Variants in SIPA1L3 observed in about 807,000 individuals in gnomAD.
The protein encoded by SIPA1L3 is signal-induced proliferation-associated 1-like protein 3.
Under a neutral mutation model 150.1 loss-of-function variants are expected in SIPA1L3, and 59 were observed. The ratio of observed to expected loss-of-function variants is 0.39; its 90% CI spans 0.32 to 0.49. The LOEUF (loss-of-function observed/expected upper bound fraction) is 0.49, where lower values mean the gene tolerates loss of function less well. Among genes scored for constraint, SIPA1L3 ranks in the 20% least tolerant of loss-of-function variants. The pLI is 0.86. For synonymous variants in SIPA1L3, 1,070 were observed against 1,077.6 expected (o/e 0.99, Z 0.14); for missense variants, 2,211 against 2,489.5 (o/e 0.89, Z 2.38).
intron 2 of SIPA1L3, among the ~76,000 whole-genome samples, chr19:38,056,708 G>A (rs1192130464): frequency 6.6e-6 from 1 of 152,184 alleles, no homozygotes; most frequent in African/African-American, 2.4e-5. Context: ...TCAAATGAAT[G>A]AAAACTTGTT....
At chr19:38,040,558 C>G (rs902756471) in intron 2 of SIPA1L3, among the ~76,000 whole-genome samples, 8 of 152,024 alleles carry the variant, frequency 5.3e-5, no homozygotes, top group African/African-American at 1.5e-4. Context: ...CATTCCAGTG[C>G]GAATAATAAA....
intron 13 of SIPA1L3, 26 bp from the exon 14 acceptor site, chr19:38,162,227 C>T: frequency 6.3e-7 from 1 of 1,580,874 alleles, no homozygotes; most frequent in Non-Finnish European, 8.7e-7. Flanking sequence ...CTCCTAACCA[C>T]TGGTGTGTCT....
intron 2 of SIPA1L3, among the ~76,000 whole-genome samples, chr19:38,040,687 T>G (rs1191548724): frequency 3.9e-5 from 6 of 152,260 alleles, no homozygotes; most frequent in African/African-American, 1.2e-4. Flanking sequence ...AAATTCTAGT[T>G]GAAATGCCCC....
intron 8 of SIPA1L3, among the ~76,000 whole-genome samples, chr19:38,115,018 T>TCC (rs1453074974): frequency 1.3e-5 from 2 of 152,170 alleles, no homozygotes; most frequent in Non-Finnish European, 2.9e-5. Context: ...CCCTCAAGGA[T>TCC]TTAACCAAAG....
In SIPA1L3 at chr19:38,206,255, G is replaced by T; in HGVS notation, c.*15G>T. The T allele has an allele frequency of 3.3e-6, 5 of 1,531,846 alleles. No homozygotes were observed. Among genetic ancestry groups the T allele is most frequent in the Non-Finnish European group, 4.4e-6 (5 of 1,134,700 alleles). 94.9% of individuals were successfully genotyped at this position (1,531,846 alleles called of 1,614,324 possible). On this transcript the variant is annotated 3_prime_UTR_variant, in exon 22 of 22. Coordinates refer to ENST00000222345, the MANE Select transcript of SIPA1L3 (RefSeq NM_015073.3). ...AGGAGCTCTGAGGTGGGAGGCCGCC[G>T]CCCGCCTTCGCTCCTTCCCCTCAGG...
chr19:37,933,904 C>T (rs73029194), intron 1 of SIPA1L3, among the ~76,000 whole-genome samples: 2,902 of 152,238 alleles, frequency 0.019, 42 homozygotes, highest in Non-Finnish European at 0.029. Flanking sequence ...GAAGATACCA[C>T]CCATATACAC....
At chr19:38,089,208 T>C (rs1275817037) in intron 4 of SIPA1L3, among the ~76,000 whole-genome samples, 3 of 151,396 alleles carry the variant, frequency 2.0e-5, no homozygotes, top group Admixed American at 1.3e-4. Flanking sequence ...ATCCCAGCTA[T>C]TGGGGAGACT....
intron 1 of SIPA1L3, among the ~76,000 whole-genome samples, chr19:37,975,876 G>A (rs141633641): frequency 0.033 from 5,044 of 152,088 alleles, 122 homozygotes; most frequent in South Asian, 0.11. Flanking sequence ...TGGCCGAGGC[G>A]GGTAGATCAC....
At chr19:37,932,142 G>A (rs867455464) in intron 1 of SIPA1L3, among the ~76,000 whole-genome samples, 1 of 152,230 alleles carries the variant, frequency 6.6e-6, no homozygotes, top group South Asian at 2.1e-4. Flanking sequence ...CAAGGAGCCC[G>A]CCTTTAGATT....
intron 2 of SIPA1L3, among the ~76,000 whole-genome samples, chr19:38,049,069 G>A (rs1020843643): frequency 5.4e-5 from 8 of 148,426 alleles, no homozygotes; most frequent in Non-Finnish European, 1.0e-4. Context: ...GCGACAGGGC[G>A]AGACCCCATC....
At chr19:38,048,997 G>A (rs949975751) in intron 2 of SIPA1L3, among the ~76,000 whole-genome samples, 8 of 151,908 alleles carry the variant, frequency 5.3e-5, no homozygotes, top group Non-Finnish European at 1.2e-4. Flanking sequence ...CAGGAGAATC[G>A]CTTGAACCCA....
intron 2 of SIPA1L3, among the ~76,000 whole-genome samples, chr19:38,039,396 G>A (rs1393650021): frequency 4.6e-5 from 7 of 150,724 alleles, no homozygotes; most frequent in East Asian, 3.9e-4. Context: ...CGGGGGGTGG[G>A]GGTGGTGGGG....
At position 38,119,548 on chromosome 19, in the gene SIPA1L3, A is replaced by C. The variant is rs145626994; in HGVS notation, c.2534A>C (p.Asn845Thr). Residue 845 changes from asparagine (N) to threonine (T), a missense_variant, in exon 9 of 22, where the codon AAC (asparagine) becomes ACC (threonine). Physicochemically the swap from Asn to Thr is moderately conservative, Grantham distance 65 (BLOSUM62 0). This residue lies in a region of SIPA1L3 where 625 missense variants were observed against 804.2 expected (regional missense o/e 0.78). Coordinates refer to ENST00000222345, the MANE Select transcript of SIPA1L3 (RefSeq NM_015073.3). ...CCCATCGACTCCACCGGCAAATTCA[A>C]CCTCATCTCCCTGACCTCCAAGAAG... ...NTPIDSTGKFNLISLTSKKKE... is the reference protein window; with the variant it reads ...NTPIDSTGKFTLISLTSKKKE... 2 of 1,614,114 alleles carry C rather than the reference A, an allele frequency of 1.2e-6. No individual in the cohort carries two copies.
chr19:37,984,904 T>C (rs564276985), intron 1 of SIPA1L3, among the ~76,000 whole-genome samples: 63 of 152,356 alleles, frequency 4.1e-4, no homozygotes, highest in Middle Eastern at 3.4e-3. Flanking sequence ...TCAAGATTTG[T>C]GGATTCCTTC....
At chr19:37,935,877 A>AC (rs1179395580) in intron 1 of SIPA1L3, among the ~76,000 whole-genome samples, 1 of 152,264 alleles carries the variant, frequency 6.6e-6, no homozygotes, top group East Asian at 1.9e-4. Context: ...ATATCACAAA[A>AC]CAAGTTCCAG....
chr19:38,009,850 T>C (rs1968055795), intron 1 of SIPA1L3, among the ~76,000 whole-genome samples: 1 of 152,140 alleles, frequency 6.6e-6, no homozygotes, highest in East Asian at 1.9e-4. Flanking sequence ...GACGGCGTGA[T>C]ATGGATGGTT....
chr19:37,995,467 G>A (rs1967614725), intron 1 of SIPA1L3, among the ~76,000 whole-genome samples: 1 of 152,196 alleles, frequency 6.6e-6, no homozygotes. Context: ...CTACCTTCCT[G>A]AGGGGGACAC....
chr19:38,190,172 T>A (rs1972775726), intron 16 of SIPA1L3, among the ~76,000 whole-genome samples: 1 of 152,192 alleles, frequency 6.6e-6, no homozygotes, highest in Non-Finnish European at 1.5e-5. Context: ...CACGCCCCTC[T>A]CGAGGGGAGC....
intron 19 of SIPA1L3, among the ~76,000 whole-genome samples, chr19:38,199,191 C>T (rs1010561816): frequency 1.3e-5 from 2 of 152,164 alleles, no homozygotes; most frequent in African/African-American, 2.4e-5. Flanking sequence ...GCTGGAAGTC[C>T]GTGCTGACGG....
Sources: allele counts gnomAD v4.1 joint callset (sites outside exome capture counted in the v4.1 genomes callset), GRCh38; gene constraint gnomAD v4.1.1; regional missense constraint gnomAD v4.1.1; transcripts MANE v1.5; gene names NCBI Gene and HGNC (gene_info 2026-07-23, HGNC 2026-07-21).